Variants in CSRNP3 observed in about 807,000 individuals in gnomAD.
CSRNP3 encodes the protein cysteine/serine-rich nuclear protein 3.
A neutral mutation model predicts 48.0 loss-of-function variants in CSRNP3; 12 were observed. That is an observed-to-expected ratio of 0.25 (90% CI 0.16 to 0.41). CSRNP3 has a LOEUF of 0.41. Among genes scored for constraint, CSRNP3 ranks in the 10% least tolerant of loss-of-function variants. The probability of loss-of-function intolerance (pLI) is 1.00; values close to 1 mark genes in which losing one functional copy is unlikely to be tolerated. For missense variants in CSRNP3, 580 were observed against 724.4 expected, an observed-to-expected ratio of 0.80 and a Z score of 2.29; for synonymous variants, 263 against 269.7, an observed-to-expected ratio of 0.98 and a Z score of 0.24.
At chr2:165,521,667 T>C (rs1684664045) in intron 3 of CSRNP3, among the ~76,000 whole-genome samples, 1 of 152,200 alleles carries the variant, frequency 6.6e-6, no homozygotes, top group African/African-American at 2.4e-5. Flanking sequence ...TTCTGGCAAA[T>C]AATTTATCTA....
chr2:165,543,191 C>T (rs1179005380), intron 3 of CSRNP3, among the ~76,000 whole-genome samples: 1 of 152,124 alleles, frequency 6.6e-6, no homozygotes, highest in African/African-American at 2.4e-5. Context: ...CTTAACTATA[C>T]CAGACATCTA....
intron 4 of CSRNP3, among the ~76,000 whole-genome samples, chr2:165,598,447 A>G (rs1011026957): frequency 1.3e-5 from 2 of 152,158 alleles, no homozygotes; most frequent in African/African-American, 4.8e-5. Flanking sequence ...ATTAATTTTT[A>G]TTTCTGTTAA....
rs1392609075 is a variant in CSRNP3 at position 165,584,773 on chromosome 2, T to C, written c.-23-10270T>C. On this transcript the variant is annotated intron_variant, in intron 3 of 6. Transcript: ENST00000651982. ...CTGCTTAAAATGATGATTAGTTTATTTAGCAAAGAGTTTAGACCAGGGATG... is the reference window on the plus strand; with the variant it reads ...CTGCTTAAAATGATGATTAGTTTATCTAGCAAAGAGTTTAGACCAGGGATG... 2.0e-5 allele frequency among the ~76,000 whole-genome samples: 3 copies of C among 152,224 alleles called. No homozygotes were observed. The East Asian group carries it at 5.9e-4, about 30-fold the overall frequency.
intron 2 of CSRNP3, among the ~76,000 whole-genome samples, chr2:165,510,295 G>C (rs1265537557): frequency 2.6e-5 from 4 of 151,990 alleles, no homozygotes; most frequent in Non-Finnish European, 5.9e-5. Context: ...GAAACTTTTT[G>C]TAAGGAACAG....
intron 4 of CSRNP3, among the ~76,000 whole-genome samples, chr2:165,601,221 C>T (rs1410723228): frequency 1.3e-5 from 2 of 152,160 alleles, no homozygotes; most frequent in South Asian, 4.1e-4. Flanking sequence ...TGAGCACTGT[C>T]AAGAGGAGAG....
intron 5 of CSRNP3, among the ~76,000 whole-genome samples, chr2:165,672,636 C>T (rs1687350073): frequency 6.6e-6 from 1 of 152,184 alleles, no homozygotes; most frequent in African/African-American, 2.4e-5. Flanking sequence ...GGAAAGGAGT[C>T]AGCAAGAGTA....
rs1476807916 is a variant in CSRNP3, at chr2:165,688,212, C to T, written c.*8459C>T. 4 of 152,042 alleles carry T rather than the reference C, an allele frequency of 2.6e-5. No homozygotes were observed. Among genetic ancestry groups the T allele is most frequent in the African/African-American group, 4.8e-5 (2 of 41,412 alleles). 9.4% of individuals were successfully genotyped at this position (152,042 alleles called of 1,614,324 possible). On this transcript the variant is annotated 3_prime_UTR_variant, in exon 7 of 7. Coordinates refer to ENST00000651982, the MANE Select transcript of CSRNP3 (RefSeq NM_001172173.2). ...ATGTATAATAAATGCTAGAAATTTA[C>T]AGTACAGAAATAGTAAAAAAATAAA...
chr2:165,474,466 C>A (rs971074341), intron 1 of CSRNP3, among the ~76,000 whole-genome samples: 4 of 151,998 alleles, frequency 2.6e-5, no homozygotes, highest in African/African-American at 7.3e-5. Flanking sequence ...AATTCCTTGG[C>A]CTATACTCAT....
At chr2:165,576,351 C>T (rs1045087344) in intron 3 of CSRNP3, among the ~76,000 whole-genome samples, 2 of 151,792 alleles carry the variant, frequency 1.3e-5, no homozygotes, top group Admixed American at 1.3e-4. Context: ...CTAATCCCTG[C>T]GTGTGTTTTA....
chr2:165,663,330 T>G (rs542489906), intron 5 of CSRNP3, among the ~76,000 whole-genome samples: 2 of 152,328 alleles, frequency 1.3e-5, no homozygotes, highest in African/African-American at 4.8e-5. Flanking sequence ...TTACAGAATT[T>G]CTGTTAGATT....
intron 3 of CSRNP3, among the ~76,000 whole-genome samples, chr2:165,539,147 T>G (rs1348829456): frequency 6.6e-6 from 1 of 152,030 alleles, no homozygotes; most frequent in Non-Finnish European, 1.5e-5. Context: ...TTATGTTTGT[T>G]GTAATACAAG....
At chr2:165,482,716 G>A (rs1297377059) in intron 1 of CSRNP3, among the ~76,000 whole-genome samples, 3 of 152,110 alleles carry the variant, frequency 2.0e-5, no homozygotes, top group African/African-American at 7.2e-5. Flanking sequence ...AACCCAGGCT[G>A]GTTTCTTCCA....
At chr2:165,645,468 A>G (rs1686795838) in intron 4 of CSRNP3, among the ~76,000 whole-genome samples, 1 of 152,250 alleles carries the variant, frequency 6.6e-6, no homozygotes, top group Non-Finnish European at 1.5e-5. Flanking sequence ...ATTTCAACAT[A>G]TAAATTTTGG....
At chr2:165,564,799 A>G (rs977706529) in intron 3 of CSRNP3, among the ~76,000 whole-genome samples, 1 of 151,954 alleles carries the variant, frequency 6.6e-6, no homozygotes, top group African/African-American at 2.4e-5. Flanking sequence ...TGTTAAATGT[A>G]TTTGGGTGAT....
chr2:165,568,647 T>C lies in CSRNP3; in HGVS notation c.-23-26396T>C, dbSNP rs62174753. ...TTTATTAGGACCTAGACTTGGACTT[T>C]CCAGAGCATCACTGCTGCAGCCTCT... is the stretch of plus-strand genomic sequence containing the variant. On this transcript the variant is annotated intron_variant, in intron 3 of 6. Coordinates refer to ENST00000651982, the MANE Select transcript of CSRNP3 (RefSeq NM_001172173.2). 9.2e-3 allele frequency among the ~76,000 whole-genome samples: 1,403 copies of C among 152,172 alleles called. 9 individuals carry two copies. The highest frequency in any genetic ancestry group is 0.015 in the Non-Finnish European group (1,000 of 67,982).
chr2:165,558,025 T>C (rs1685182207), intron 3 of CSRNP3, among the ~76,000 whole-genome samples: 1 of 152,162 alleles, frequency 6.6e-6, no homozygotes, highest in African/African-American at 2.4e-5. Context: ...CATAAGTTAC[T>C]AAGGGAATTT....
chr2:165,533,400 A>G (rs1558927277), intron 3 of CSRNP3, among the ~76,000 whole-genome samples: 1 of 152,056 alleles, frequency 6.6e-6, no homozygotes, highest in Non-Finnish European at 1.5e-5. Context: ...TTGAAAGCCA[A>G]TCCTCCATTT....
intron 5 of CSRNP3, among the ~76,000 whole-genome samples, chr2:165,668,960 G>T (rs1326550384): frequency 5.9e-5 from 9 of 152,050 alleles, no homozygotes; most frequent in Non-Finnish European, 8.8e-5. Flanking sequence ...CTAGACTTTG[G>T]CAAATTATAT....
chr2:165,671,986 T>G (rs1347698238), intron 5 of CSRNP3, among the ~76,000 whole-genome samples: 1 of 152,170 alleles, frequency 6.6e-6, no homozygotes, highest in African/African-American at 2.4e-5. Context: ...TTCCTCATCT[T>G]CATCTCAGCC....
Sources: gnomAD v4.1 joint callset for allele counts (sites outside exome capture counted in the v4.1 genomes callset) on GRCh38, gnomAD v4.1.1 for gene constraint, MANE v1.5 for transcripts, NCBI Gene and HGNC (gene_info 2026-07-23, HGNC 2026-07-21) for gene names.